Variants in DAB1 observed in about 807,000 individuals in gnomAD.
DAB1 encodes the protein disabled homolog 1.
In DAB1, 15 loss-of-function variants were observed where a neutral mutation model predicts 64.6. The observed-to-expected ratio is 0.23, with a 90% CI of 0.16 to 0.36. DAB1 has a LOEUF of 0.36. DAB1 is among the 10% of genes least tolerant of loss of function. The pLI, the probability that DAB1 is intolerant of heterozygous loss-of-function variation, is 1.00. For synonymous variants in DAB1, 235 were observed against 251.9 expected (o/e 0.93, Z 0.64); for missense variants, 596 against 706.7 (o/e 0.84, Z 1.78).
intron 5 of DAB1, among the ~76,000 whole-genome samples, chr1:57,982,403 G>A (rs922265294): frequency 2.6e-5 from 4 of 152,200 alleles, no homozygotes; most frequent in African/African-American, 7.2e-5. Context: ...ACTAGTGGAC[G>A]TAGCCCAGGT....
intron 3 of DAB1, among the ~76,000 whole-genome samples, chr1:58,377,149 C>T (rs557761348): frequency 1.0e-4 from 15 of 149,606 alleles, no homozygotes; most frequent in African/African-American, 7.4e-5. Context: ...CCAGTCTGTG[C>T]CTTTTAATTG....
At chr1:58,313,696 A>G (rs533939468) in intron 4 of DAB1, among the ~76,000 whole-genome samples, 8 of 152,270 alleles carry the variant, frequency 5.3e-5, no homozygotes, top group Non-Finnish European at 8.8e-5. Context: ...TGGCTTAAGC[A>G]GCCGACATTT....
intron 4 of DAB1, among the ~76,000 whole-genome samples, chr1:58,300,544 A>AAAAAGAAAGAAAGAAAGAAAG (rs1359971427): frequency 9.9e-6 from 1 of 101,084 alleles, no homozygotes; most frequent in Non-Finnish European, 1.9e-5. Flanking sequence ...TGAAACTCTG[A>AAAAAGAAAGAAAGAAAGAAAG]AAAGAAAGAA....
chr1:57,048,674 G>T (rs921242199), intron 9 of DAB1, among the ~76,000 whole-genome samples: 7 of 152,106 alleles, frequency 4.6e-5, no homozygotes, highest in Non-Finnish European at 7.3e-5. Flanking sequence ...AGGTGGGGGG[G>T]CTTCACCTAC....
intron 3 of DAB1, chr1:58,480,652 C>A: frequency 5.1e-6 from 1 of 194,872 alleles, no homozygotes; most frequent in Non-Finnish European, 1.0e-5. Flanking sequence ...ATAAAAACTA[C>A]CGTATGGGCT....
At chr1:58,264,768 G>T (rs897578426) in intron 4 of DAB1, among the ~76,000 whole-genome samples, 1 of 152,162 alleles carries the variant, frequency 6.6e-6, no homozygotes, top group African/African-American at 2.4e-5. Flanking sequence ...AATGTAGGGG[G>T]TGCTGGGAAA....
chr1:58,337,750 C>G (rs1663155306), intron 4 of DAB1, among the ~76,000 whole-genome samples: 1 of 152,044 alleles, frequency 6.6e-6, no homozygotes, highest in African/African-American at 2.4e-5. Flanking sequence ...TGAAAATGGA[C>G]ACAATCTCTG....
intron 5 of DAB1, among the ~76,000 whole-genome samples, chr1:58,132,382 C>T (rs1000026721): frequency 2.0e-5 from 3 of 152,130 alleles, no homozygotes; most frequent in African/African-American, 4.8e-5. Context: ...GAGATGAACC[C>T]GGTACCTCAG....
At chr1:58,412,367 CT>C (rs1242403674) in intron 3 of DAB1, among the ~76,000 whole-genome samples, 3 of 152,118 alleles carry the variant, frequency 2.0e-5, no homozygotes, top group Non-Finnish European at 4.4e-5. Context: ...AGTTCTCTCT[CT>C]TTTGTTTGTT....
At chr1:57,473,311 T>A in intron 7 of DAB1, among the ~76,000 whole-genome samples, 2 of 152,270 alleles carry the variant, frequency 1.3e-5, no homozygotes, top group East Asian at 3.9e-4. Context: ...CACCTTCCAG[T>A]TGCCCTGGGT....
intron 1 of DAB1, among the ~76,000 whole-genome samples, chr1:57,324,977 C>T (rs996373667): frequency 1.3e-5 from 2 of 152,218 alleles, no homozygotes; most frequent in Non-Finnish European, 1.5e-5. Context: ...CCTGTTTGTA[C>T]CTTTGATGCC....
At chr1:58,044,959 T>C (rs1300770155) in intron 5 of DAB1, among the ~76,000 whole-genome samples, 2 of 152,198 alleles carry the variant, frequency 1.3e-5, no homozygotes, top group Admixed American at 6.5e-5. Context: ...CAAGGTCACA[T>C]AGCTAATAGA....
At chr1:58,171,236 T>A (rs1656158897) in intron 4 of DAB1, among the ~76,000 whole-genome samples, 1 of 152,104 alleles carries the variant, frequency 6.6e-6, no homozygotes, top group Non-Finnish European at 1.5e-5. Context: ...GGAAGGACAA[T>A]TTGGAAGGGT....
intron 5 of DAB1, among the ~76,000 whole-genome samples, chr1:58,000,101 G>A (rs1266575086): frequency 6.6e-6 from 1 of 152,052 alleles, no homozygotes; most frequent in Non-Finnish European, 1.5e-5. Context: ...AACAGTCAGT[G>A]GGAAGGTCTG....
intron 4 of DAB1, among the ~76,000 whole-genome samples, chr1:58,247,706 C>T (rs890257610): frequency 1.3e-5 from 2 of 152,036 alleles, no homozygotes; most frequent in African/African-American, 4.8e-5. Flanking sequence ...GGGCTCTGGT[C>T]GCTCCCTCTT....
At chr1:57,469,395 G>A (rs1687064457) in intron 7 of DAB1, among the ~76,000 whole-genome samples, 1 of 152,122 alleles carries the variant, frequency 6.6e-6, no homozygotes, top group Non-Finnish European at 1.5e-5. Context: ...AACAAGATCA[G>A]ACAGAAAAAG....
chr1:58,119,217 TGTGTGTGC>T (rs1652583183), intron 5 of DAB1, among the ~76,000 whole-genome samples: 1 of 77,432 alleles, frequency 1.3e-5, no homozygotes, highest in South Asian at 5.6e-4. Flanking sequence ...AAATATTGTG[TGTGTGTGC>T]GTGTGTGTGT....
intron 3 of DAB1, among the ~76,000 whole-genome samples, chr1:58,344,441 G>A (rs1262720183): frequency 1.3e-5 from 2 of 152,138 alleles, no homozygotes; most frequent in African/African-American, 4.8e-5. Context: ...TGTTGGGAGT[G>A]TGGTGTGAGC....
intron 1 of DAB1, among the ~76,000 whole-genome samples, chr1:57,299,628 C>A (rs760451873): frequency 6.9e-6 from 1 of 144,456 alleles, no homozygotes; most frequent in African/African-American, 2.9e-5. Flanking sequence ...AGTGCATAAA[C>A]CTAAAATAAT....
Sources: allele counts gnomAD v4.1 joint callset (sites outside exome capture counted in the v4.1 genomes callset), GRCh38; gene constraint gnomAD v4.1.1; transcripts MANE v1.5; gene names NCBI Gene and HGNC (gene_info 2026-07-23, HGNC 2026-07-21).